The following TOP3A variants were observed in gnomAD, a reference collection of about 807,000 sequenced individuals.
TOP3A encodes the protein DNA topoisomerase 3-alpha.
In TOP3A, 64 loss-of-function variants were observed where a neutral mutation model predicts 111.3. That is an observed-to-expected ratio of 0.57 (90% confidence interval 0.47 to 0.71). The LOEUF (loss-of-function observed/expected upper bound fraction) is 0.71, where lower values mean the gene tolerates loss of function less well. Among genes scored for constraint, TOP3A ranks in the 30% least tolerant of loss-of-function variants. The probability of loss-of-function intolerance (pLI) is 0.00; values close to 1 mark genes in which losing one functional copy is unlikely to be tolerated. For missense variants in TOP3A, 1,104 were observed against 1,285.0 expected (o/e 0.86, Z 2.15); for synonymous variants, 484 against 485.1 (o/e 1.00, Z 0.03).
intron 15 of TOP3A, among the ~76,000 whole-genome samples, 163 bp from the exon 16 acceptor site, chr17:18,283,004 C>CCTG (rs1979862464): frequency 6.6e-6 from 1 of 152,242 alleles, no homozygotes; most frequent in African/African-American, 2.4e-5. Flanking sequence ...CTGAGCTCAC[C>CCTG]ATGGGCCCTG....
At chr17:18,288,154 T>TATATATATATATATAAA (rs1427846577) in intron 13 of TOP3A, among the ~76,000 whole-genome samples, 54 of 132,516 alleles carry the variant, frequency 4.1e-4, no homozygotes, top group African/African-American at 1.7e-3. Context: ...TATATAAATT[T>TATATATATATATATAAA]TTTTTTTTTT....
Position 18,278,293 on chromosome 17 carries a change from T to C in TOP3A, c.2209A>G (p.Ile737Val), listed in dbSNP as rs760843813. The C allele has an allele frequency of 6.6e-7, 1 of 1,525,010 alleles. No homozygotes were observed. The highest frequency in any genetic ancestry group is 2.2e-5 in the Admixed American group (1 of 46,184). The allele number at this position is 1,525,010 out of a possible 1,614,324, so 94.5% of individuals were successfully genotyped here. A position where few individuals can be genotyped will look rare whatever the true frequency, so the allele number is the denominator to read the frequency against. Residue 737 changes from isoleucine (I) to valine (V), a missense_variant, in exon 18 of 19, where the codon ATC (isoleucine) becomes GTC (valine). Transcript: ENST00000321105. ...CTCAGGGTGTCGTCGCATCCGCCGA[T>C]GCAGCAAACAAACTCCAGAGGCATG... ...PTMPLEFVCC[I>V]GGCDDTLREI... is the part of the protein sequence containing the mutation.
At chr17:18,285,030 T>G in intron 15 of TOP3A, 112 bp downstream of exon 15, 2 of 1,315,300 alleles carry the variant, frequency 1.5e-6, no homozygotes, top group Non-Finnish European at 2.1e-6. Context: ...GGCTCACGCC[T>G]GTAATCCCCA....
At chr17:18,292,519 A>C in intron 11 of TOP3A, 126 bp downstream of exon 11, 2 of 933,168 alleles carry the variant, frequency 2.1e-6, no homozygotes, top group Non-Finnish European at 3.1e-6. Flanking sequence ...GAGGATTGTG[A>C]AATGAGAGAG....
Position 18,278,164 on chromosome 17 carries a change from G to GCAA in TOP3A, c.2337_2338insTTG (p.Gln779_His780insLeu), listed in dbSNP as rs1397103748. 2 of 1,613,980 alleles carry GCAA rather than the reference G, an allele frequency of 1.2e-6. No individual in the cohort carries two copies. The highest frequency in any genetic ancestry group is 1.7e-6 in the Non-Finnish European group (2 of 1,179,980). ...TGTCTGCTGTCAGCAGGCTGGGGGT[G>GCAA]CTGGCTGTTGTCCATCCTGTTCAGG... On this transcript the variant is annotated inframe_insertion, in exon 18 of 19. Coordinates refer to ENST00000321105, the MANE Select transcript of TOP3A (RefSeq NM_004618.5).
At chr17:18,288,130 A>ATT (rs1211537988) in intron 13 of TOP3A, among the ~76,000 whole-genome samples, 3 of 62,150 alleles carry the variant, frequency 4.8e-5, no homozygotes, top group African/African-American at 9.6e-5. Flanking sequence ...GCTGTTAATA[A>ATT]TTATATATAT....
intron 16 of TOP3A, among the ~76,000 whole-genome samples, chr17:18,281,050 T>C (rs1239693485): frequency 6.6e-6 from 1 of 152,178 alleles, no homozygotes; most frequent in Non-Finnish European, 1.5e-5. Flanking sequence ...GAGACATGCA[T>C]GCATGTGTGG....
At position 18,274,923 on chromosome 17, in the gene TOP3A, G is replaced by A. The variant is rs572746282; in HGVS notation, c.2885C>T (p.Ala962Val). 6.2e-7 allele frequency: 1 copy of A among 1,614,032 alleles called. No individual in the cohort carries two copies. The highest frequency in any genetic ancestry group is 1.3e-5 in the African/African-American group (1 of 74,916). The change falls in exon 19 of 19, where the codon GCC (alanine) becomes GTC (valine). Residue 962 changes from alanine to valine, a missense_variant. Ala to Val is a moderately conservative substitution (Grantham distance 64, BLOSUM62 0). Coordinates refer to ENST00000321105, the MANE Select transcript of TOP3A (RefSeq NM_004618.5). ...ACTGGCCCGGGGCCTTTTGCTTCTG[G>A]CTTCCGACTCCAGGGTTCTTCCTCT... ...GDRGRTLESE[A>V]RSKRPRASSS...
chr17:18,290,109 C>T (rs1277053419), intron 13 of TOP3A, among the ~76,000 whole-genome samples: 2 of 152,208 alleles, frequency 1.3e-5, no homozygotes, highest in Admixed American at 6.5e-5. Flanking sequence ...CAGCTGCCAC[C>T]CTCACCCAAT....
At position 18,278,288 on chromosome 17, in the gene TOP3A, G is replaced by A. The variant is rs140616993; in HGVS notation, c.2214C>T (p.Gly738=). 1.8e-5 allele frequency: 28 copies of A among 1,526,148 alleles called. No homozygotes were observed. Among genetic ancestry groups the A allele is most frequent in the African/African-American group, 1.5e-4 (11 of 72,210 alleles). The allele number at this position is 1,526,148 out of a possible 1,614,324, so 94.5% of individuals were successfully genotyped here. ...TMPLEFVCCI[G]GCDDTLREIL... ...TCTCCCTCAGGGTGTCGTCGCATCC[G>A]CCGATGCAGCAAACAAACTCCAGAG... The change falls in exon 18 of 19, where the codon GGC becomes GGT. Residue 738 remains glycine, a synonymous_variant. Transcript: ENST00000321105.
At chr17:18,283,994 T>C (rs968034510) in intron 15 of TOP3A, among the ~76,000 whole-genome samples, 7 of 151,912 alleles carry the variant, frequency 4.6e-5, no homozygotes, top group South Asian at 4.1e-4. Flanking sequence ...CCAAACCCAA[T>C]TGTTTGATTT....
At chr17:18,288,356 T>A (rs1015857722) in intron 13 of TOP3A, among the ~76,000 whole-genome samples, 5 of 152,018 alleles carry the variant, frequency 3.3e-5, no homozygotes, top group Admixed American at 2.0e-4. Context: ...TTTCACCATG[T>A]TGTCCAGGCT....
chr17:18,289,691 C>G (rs1980346966), intron 13 of TOP3A, among the ~76,000 whole-genome samples: 1 of 152,226 alleles, frequency 6.6e-6, no homozygotes, highest in South Asian at 2.1e-4. Context: ...CCACACCCAG[C>G]CTTCATACAT....
intron 5 of TOP3A, among the ~76,000 whole-genome samples, chr17:18,304,095 G>A (rs1449470037): frequency 6.6e-6 from 1 of 152,086 alleles, no homozygotes; most frequent in Non-Finnish European, 1.5e-5. Flanking sequence ...CTCCTGAGTA[G>A]CTGGGACTAC....
chr17:18,290,812 T>G lies in TOP3A; in HGVS notation c.1467+30A>C, dbSNP rs1457925972. On this transcript the variant is annotated intron_variant, in intron 12 of 18. Transcript: ENST00000321105. ...CTCAGGGCTCACAACACAACTGTCC[T>G]CCCTCTCACTGGGGACCACTCTTTA... 3.1e-6 allele frequency: 5 copies of G among 1,609,024 alleles called. No individual in the cohort carries two copies. In the Admixed American group the frequency reaches 5.0e-5, roughly 16 times the overall value.
At chr17:18,276,153 G>C (rs1979360231) in intron 18 of TOP3A, among the ~76,000 whole-genome samples, 1 of 152,176 alleles carries the variant, frequency 6.6e-6, no homozygotes, top group Non-Finnish European at 1.5e-5. Context: ...CCTTTTTACA[G>C]AGGCAGAAAC....
At chr17:18,308,498 G>T in intron 2 of TOP3A, 74 bp from the exon 3 acceptor site, 1 of 1,015,770 alleles carries the variant, frequency 9.8e-7, no homozygotes, top group East Asian at 2.6e-5. Flanking sequence ...TAAAATGAGA[G>T]GGAGGAGCTT....
chr17:18,288,564 C>T (rs9891934), intron 13 of TOP3A, among the ~76,000 whole-genome samples: 2 of 152,172 alleles, frequency 1.3e-5, no homozygotes, highest in Non-Finnish European at 2.9e-5. Context: ...AGCCCTTCAA[C>T]TGGGCAAGCC....
At position 18,314,589 on chromosome 17, in the gene TOP3A, G is replaced by A. The variant is rs17805992; in HGVS notation, c.180+10C>T. On this transcript the variant is annotated intron_variant, in intron 1 of 18. Transcript: ENST00000321105. ...TAAGGCACGCAGCTGATCGGAACGC[G>A]CTTTCTTACCCGCCTCATGCGACCG... 4 of 1,604,422 alleles carry A rather than the reference G, an allele frequency of 2.5e-6. No homozygotes were observed. The highest frequency in any genetic ancestry group is 1.3e-5 in the African/African-American group (1 of 74,596).
Sources: gnomAD v4.1 joint callset for allele counts (sites outside exome capture counted in the v4.1 genomes callset) on GRCh38, gnomAD v4.1.1 for gene constraint, MANE v1.5 for transcripts, NCBI Gene and HGNC (gene_info 2026-07-23, HGNC 2026-07-21) for gene names.